FNBP1: variants seen among roughly 807,000 people sequenced by gnomAD.
The protein encoded by FNBP1 is formin binding protein 1.
A neutral mutation model predicts 90.6 loss-of-function variants in FNBP1; 26 were observed. The ratio of observed to expected loss-of-function variants is 0.29; its 90% confidence interval spans 0.21 to 0.40. The LOEUF (loss-of-function observed/expected upper bound fraction) is 0.40, where lower values mean the gene tolerates loss of function less well. FNBP1 is among the 10% of genes least tolerant of loss of function. The pLI, the probability that FNBP1 is intolerant of heterozygous loss-of-function variation, is 1.00. For synonymous variants in FNBP1, 260 were observed against 265.2 expected, an observed-to-expected ratio of 0.98 and a Z score of 0.19; for missense variants, 635 against 768.0, an observed-to-expected ratio of 0.83 and a Z score of 2.05.
intron 1 of FNBP1, among the ~76,000 whole-genome samples, chr9:130,029,721 C>T (rs1167905563): frequency 1.3e-5 from 2 of 152,156 alleles, no homozygotes; most frequent in Non-Finnish European, 2.9e-5. Context: ...CAGCGGCTCA[C>T]ACCTGTAATC....
At chr9:129,917,443 G>A (rs1316671616) in intron 10 of FNBP1, among the ~76,000 whole-genome samples, 2 of 150,206 alleles carry the variant, frequency 1.3e-5, no homozygotes, top group East Asian at 2.0e-4. Context: ...AATGATCCTC[G>A]CACCTCAGCC....
chr9:129,943,318 A>T (rs981635718), intron 6 of FNBP1, among the ~76,000 whole-genome samples: 2 of 150,098 alleles, frequency 1.3e-5, no homozygotes, highest in Non-Finnish European at 3.0e-5. Flanking sequence ...GATGGACCTC[A>T]TTGATCGTTT....
At chr9:129,975,062 T>C (rs550413761) in intron 4 of FNBP1, among the ~76,000 whole-genome samples, 42 of 151,846 alleles carry the variant, frequency 2.8e-4, no homozygotes, top group African/African-American at 7.7e-4. Context: ...CTACTAAAAA[T>C]ACAAAAATCA....
rs2034893149 is a variant in FNBP1, at chr9:129,888,879, G to A, written c.*1660C>T. ...CCTTTGGCTTCTATAGGACTTCCTT[G>A]TCTTAGATTCATAAACAGCAAGAGG... On this transcript the variant is annotated 3_prime_UTR_variant, in exon 17 of 17. Coordinates refer to ENST00000446176, the MANE Select transcript of FNBP1 (RefSeq NM_015033.3). The A allele has an allele frequency of 4.3e-6, 1 of 232,244 alleles. No homozygotes were observed. The highest frequency in any genetic ancestry group is 5.6e-5 in the Admixed American group (1 of 17,748). The allele number at this position is 232,244 out of a possible 1,614,324, so 14.4% of individuals were successfully genotyped here. A position where few individuals can be genotyped will look rare whatever the true frequency, so the allele number is the denominator to read the frequency against.
At chr9:129,954,170 T>A (rs2132690915) in intron 6 of FNBP1, among the ~76,000 whole-genome samples, 1 of 152,266 alleles carries the variant, frequency 6.6e-6, no homozygotes, top group East Asian at 1.9e-4. Flanking sequence ...GGGCAACTTT[T>A]TGCCAATAAA....
chr9:130,022,905 AG>A (rs2057984388), intron 1 of FNBP1, among the ~76,000 whole-genome samples: 1 of 152,182 alleles, frequency 6.6e-6, no homozygotes, highest in African/African-American at 2.4e-5. Flanking sequence ...CCAGCACTTC[AG>A]GAGGCTGAGG....
intron 12 of FNBP1, among the ~76,000 whole-genome samples, chr9:129,904,140 T>G (rs990020615): frequency 3.3e-5 from 5 of 152,240 alleles, no homozygotes; most frequent in African/African-American, 1.2e-4. Context: ...ACGGGCTGCA[T>G]GTGCTCACCT....
intron 1 of FNBP1, among the ~76,000 whole-genome samples, chr9:130,035,223 G>A (rs560319427): frequency 1.3e-5 from 2 of 152,124 alleles, no homozygotes; most frequent in African/African-American, 4.8e-5. Flanking sequence ...CTTTTGAGTC[G>A]AGGGCATCTC....
intron 11 of FNBP1, among the ~76,000 whole-genome samples, chr9:129,910,652 G>A (rs2039106622): frequency 1.3e-5 from 2 of 152,164 alleles, no homozygotes; most frequent in South Asian, 2.1e-4. Context: ...TGTAATTCCA[G>A]AAGCAAGTTG....
At chr9:129,902,298 A>G (rs750670904) in intron 13 of FNBP1, among the ~76,000 whole-genome samples, 5 of 152,182 alleles carry the variant, frequency 3.3e-5, no homozygotes, top group Non-Finnish European at 5.9e-5. Context: ...TAAAGTACAA[A>G]AAATACTGGC....
intron 4 of FNBP1, among the ~76,000 whole-genome samples, chr9:129,962,990 T>TTC (rs2048046711): frequency 6.6e-6 from 1 of 152,180 alleles, no homozygotes; most frequent in Non-Finnish European, 1.5e-5. Flanking sequence ...ATCGGGTGAC[T>TTC]TCTCTGCGAA....
intron 11 of FNBP1, among the ~76,000 whole-genome samples, chr9:129,910,478 T>C (rs1203982553): frequency 9.0e-4 from 11 of 12,280 alleles, no homozygotes; most frequent in African/African-American, 2.0e-3. Context: ...CGAGACTCCA[T>C]CTCAAAAAAA....
At chr9:129,914,102 T>C (rs2039836889) in intron 11 of FNBP1, among the ~76,000 whole-genome samples, 2 of 151,870 alleles carry the variant, frequency 1.3e-5, no homozygotes, top group South Asian at 2.1e-4. Context: ...ATGATCTGCC[T>C]GCCCCCACCT....
intron 6 of FNBP1, among the ~76,000 whole-genome samples, chr9:129,934,809 T>C (rs1230587582): frequency 1.3e-5 from 2 of 151,976 alleles, no homozygotes; most frequent in Non-Finnish European, 2.9e-5. Flanking sequence ...TGACCTCAAG[T>C]GATCTGCCTG....
chr9:129,896,307 T>G (rs1343452312), intron 15 of FNBP1, among the ~76,000 whole-genome samples: 2 of 152,132 alleles, frequency 1.3e-5, no homozygotes, highest in Non-Finnish European at 2.9e-5. Flanking sequence ...TTCTCTAGTC[T>G]TCTTCTGTCT....
At chr9:129,960,389 AAAAAAAAAAAAAAAGAAAAAG>A (rs1408309286) in intron 4 of FNBP1, among the ~76,000 whole-genome samples, 1 of 146,976 alleles carries the variant, frequency 6.8e-6, no homozygotes, top group Non-Finnish European at 1.5e-5. Flanking sequence ...ATCTCAAAAA[AAAAAAAAAAAAAAAGAAAAAG>A]AAAAAGAAAA....
chr9:129,964,655 C>T (rs987294580), intron 4 of FNBP1, among the ~76,000 whole-genome samples: 5 of 148,076 alleles, frequency 3.4e-5, no homozygotes, highest in African/African-American at 1.2e-4. Flanking sequence ...TTAAGAAAAA[C>T]GACAATGGCA....
At chr9:129,907,312 T>C (rs1247298055) in intron 12 of FNBP1, among the ~76,000 whole-genome samples, 3 of 152,216 alleles carry the variant, frequency 2.0e-5, no homozygotes, top group Non-Finnish European at 4.4e-5. Flanking sequence ...AAACACGTAG[T>C]TTGTTTACCT....
intron 2 of FNBP1, among the ~76,000 whole-genome samples, chr9:129,982,432 C>A (rs983523907): frequency 6.6e-6 from 1 of 151,930 alleles, no homozygotes; most frequent in Admixed American, 6.6e-5. Flanking sequence ...GACTGTGCCA[C>A]TGCACTCCAG....
Sources: gnomAD v4.1 joint callset for allele counts (sites outside exome capture counted in the v4.1 genomes callset) on GRCh38, gnomAD v4.1.1 for gene constraint, MANE v1.5 for transcripts, NCBI Gene and HGNC (gene_info 2026-07-23, HGNC 2026-07-21) for gene names.